Variants in MCUB observed in about 807,000 individuals in gnomAD.
MCUB encodes mitochondrial calcium uniporter dominant negative subunit beta.
MCUB carries 46 observed loss-of-function variants against 41.4 expected under a neutral mutation model. The observed-to-expected ratio is 1.11, with a 90% CI of 0.88 to 1.42. The LOEUF (loss-of-function observed/expected upper bound fraction) is 1.42, where lower values mean the gene tolerates loss of function less well. Among genes scored for constraint, MCUB ranks in the 40% most tolerant of loss-of-function variants. The pLI is 0.00. For missense variants in MCUB, 403 were observed against 404.9 expected (o/e 1.00, Z 0.04); for synonymous variants, 148 against 148.2 (o/e 1.00, Z 0.01).
chr4:109,654,061 G>C (rs908150812), intron 1 of MCUB, among the ~76,000 whole-genome samples: 36 of 151,948 alleles, frequency 2.4e-4, no homozygotes, highest in Non-Finnish European at 4.1e-4. Context: ...GTTAACATCA[G>C]TTTTGGAAGA....
At chr4:109,577,452 T>C (rs951494548) in intron 1 of MCUB, among the ~76,000 whole-genome samples, 3 of 152,154 alleles carry the variant, frequency 2.0e-5, no homozygotes, top group African/African-American at 7.2e-5. Flanking sequence ...TCCTGGGAAA[T>C]AGGTACTGAT....
At chr4:109,644,911 C>T (rs942873147) in intron 1 of MCUB, among the ~76,000 whole-genome samples, 2 of 151,918 alleles carry the variant, frequency 1.3e-5, no homozygotes, top group Admixed American at 6.6e-5. Context: ...TGTTGCTTTT[C>T]TCAACATAAT....
chr4:109,585,290 C>G (rs1002264719), intron 1 of MCUB, among the ~76,000 whole-genome samples: 1 of 152,094 alleles, frequency 6.6e-6, no homozygotes, highest in Non-Finnish European at 1.5e-5. Context: ...TTCCTGCTTT[C>G]CATTTGCTTG....
At chr4:109,664,567 T>C (rs111882927) in intron 4 of MCUB, among the ~76,000 whole-genome samples, 173 bp downstream of exon 4, 7,697 of 152,070 alleles carry the variant, frequency 0.051, 682 homozygotes, top group African/African-American at 0.18. Context: ...TGGGACTACC[T>C]GCATGCACCA....
At chr4:109,649,064 TTTTG>T (rs1728903685) in intron 1 of MCUB, among the ~76,000 whole-genome samples, 1 of 152,228 alleles carries the variant, frequency 6.6e-6, no homozygotes, top group Non-Finnish European at 1.5e-5. Context: ...TCGTGTTACA[TTTTG>T]TTCACTACAG....
intron 1 of MCUB, among the ~76,000 whole-genome samples, chr4:109,642,063 T>C (rs1192825795): frequency 1.3e-5 from 2 of 152,252 alleles, no homozygotes; most frequent in African/African-American, 2.4e-5. Flanking sequence ...ATAATTGTAT[T>C]GATTTCACAA....
chr4:109,634,272 C>T (rs967967503), intron 1 of MCUB, among the ~76,000 whole-genome samples: 3 of 151,938 alleles, frequency 2.0e-5, no homozygotes, highest in Admixed American at 2.0e-4. Flanking sequence ...CATCTGAGGT[C>T]GGGAGTTCGA....
chr4:109,583,887 C>T (rs746003198), intron 1 of MCUB, among the ~76,000 whole-genome samples: 31 of 152,160 alleles, frequency 2.0e-4, no homozygotes, highest in Non-Finnish European at 3.7e-4. Context: ...GTATGTTGAA[C>T]CAGCCTTGCA....
chr4:109,664,422 C>CA, intron 4 of MCUB, 28 bp downstream of exon 4: 2 of 616,260 alleles, frequency 3.2e-6, no homozygotes, highest in Non-Finnish European at 5.4e-6. Context: ...CCAACTATTA[C>CA]TTTTTTTTTT....
At chr4:109,566,121 G>T (rs1318647946) in intron 1 of MCUB, among the ~76,000 whole-genome samples, 2 of 151,344 alleles carry the variant, frequency 1.3e-5, no homozygotes, top group Non-Finnish European at 2.9e-5. Flanking sequence ...CACCCAAAGT[G>T]CTGGGATTAC....
At chr4:109,633,232 G>A (rs373663614) in intron 1 of MCUB, among the ~76,000 whole-genome samples, 3 of 152,000 alleles carry the variant, frequency 2.0e-5, no homozygotes, top group Admixed American at 6.6e-5. Context: ...TTTGTTTTGC[G>A]TGTATTTGGA....
At chr4:109,565,601 T>C (rs1726752334) in intron 1 of MCUB, among the ~76,000 whole-genome samples, 1 of 152,134 alleles carries the variant, frequency 6.6e-6, no homozygotes. Context: ...GTAAATGCGA[T>C]AAAAAAAGAT....
At chr4:109,651,057 T>G (rs1217432233) in intron 1 of MCUB, among the ~76,000 whole-genome samples, 2 of 152,230 alleles carry the variant, frequency 1.3e-5, no homozygotes, top group Non-Finnish European at 2.9e-5. Context: ...GCTTCTTCCC[T>G]TTGAAGTTAT....
At chr4:109,661,238 A>G (rs1158729451) in intron 3 of MCUB, among the ~76,000 whole-genome samples, 3 of 152,236 alleles carry the variant, frequency 2.0e-5, no homozygotes, top group Non-Finnish European at 4.4e-5. Flanking sequence ...GCTTCTAAAT[A>G]GAATAAAGAA....
At chr4:109,604,203 C>A (rs1359800246) in intron 1 of MCUB, among the ~76,000 whole-genome samples, 1 of 151,648 alleles carries the variant, frequency 6.6e-6, no homozygotes, top group African/African-American at 2.4e-5. Flanking sequence ...CGTTAAGAGT[C>A]ATCACCACTC....
chr4:109,620,450 A>C (rs1044838032), intron 1 of MCUB, among the ~76,000 whole-genome samples: 13 of 150,262 alleles, frequency 8.7e-5, no homozygotes, highest in African/African-American at 3.2e-4. Flanking sequence ...TTGACCCTAA[A>C]ATGTATTGTA....
At chr4:109,575,727 T>C (rs181912372) in intron 1 of MCUB, among the ~76,000 whole-genome samples, 5 of 152,324 alleles carry the variant, frequency 3.3e-5, no homozygotes, top group African/African-American at 1.2e-4. Flanking sequence ...GGATGAAATA[T>C]CTTTATAGTT....
chr4:109,679,306 G>A (rs1729660582), intron 4 of MCUB, among the ~76,000 whole-genome samples: 1 of 152,234 alleles, frequency 6.6e-6, no homozygotes, highest in Non-Finnish European at 1.5e-5. Context: ...CGGCTGGGAG[G>A]TGGAGGTTGT....
At chr4:109,612,248 C>T (rs1261398637) in intron 1 of MCUB, among the ~76,000 whole-genome samples, 1 of 147,936 alleles carries the variant, frequency 6.8e-6, no homozygotes, top group African/African-American at 2.5e-5. Context: ...GGTATTTCTT[C>T]CTCCTCCTCC....
Sources: allele counts gnomAD v4.1 joint callset (sites outside exome capture counted in the v4.1 genomes callset), GRCh38; gene constraint gnomAD v4.1.1; transcripts MANE v1.5; gene names NCBI Gene and HGNC (gene_info 2026-07-23, HGNC 2026-07-21).